The following KIF26B variants were observed in gnomAD, a reference collection of about 807,000 sequenced individuals.
The protein encoded by KIF26B is kinesin family member 26B.
A neutral mutation model predicts 151.2 loss-of-function variants in KIF26B; 63 were observed. That is an observed-to-expected ratio of 0.42 (90% CI 0.34 to 0.51). The LOEUF (loss-of-function observed/expected upper bound fraction) is 0.51, where lower values mean the gene tolerates loss of function less well. KIF26B is among the 20% of genes least tolerant of loss of function. The pLI is 0.07. For missense variants in KIF26B, 2,813 were observed against 2,913.6 expected (o/e 0.97, Z 0.79); for synonymous variants, 1,357 against 1,262.1 (o/e 1.08, Z -1.59).
chr1:245,291,873 C>G (rs529807129), intron 2 of KIF26B, among the ~76,000 whole-genome samples: 27 of 152,152 alleles, frequency 1.8e-4, no homozygotes, highest in Non-Finnish European at 3.7e-4. Context: ...CAGAAGGGCC[C>G]TGGTGCAGGA....
rs1232594937 is a variant in KIF26B, at chr1:245,495,053, T to TAAAGA, written c.1167-45701_1167-45697dup. ...AAAAGAGAAAAGAAAAGAAAAGAAA[T>TAAAGA]AAAGAAAAGAAAAGAAAGAGGAAAT... On this transcript the variant is annotated intron_variant, in intron 4 of 14. Transcript: ENST00000407071. The surrounding 1 kb of genome is among the most constrained non-coding windows in gnomAD (Gnocchi z 4.2). Among the ~76,000 whole-genome samples, 3 of 150,370 alleles carry TAAAGA rather than the reference T, an allele frequency of 2.0e-5. No individual in the cohort carries two copies. The highest frequency in any genetic ancestry group is 2.1e-4 in the South Asian group (1 of 4,758).
At chr1:245,561,924 C>T (rs74613759) in intron 5 of KIF26B, among the ~76,000 whole-genome samples, 1,803 of 152,268 alleles carry the variant, frequency 0.012, 25 homozygotes, top group African/African-American at 0.033. Flanking sequence ...AGTCTCCATC[C>T]CAAGGCTCTT....
intron 5 of KIF26B, among the ~76,000 whole-genome samples, chr1:245,587,698 G>A (rs766292433): frequency 2.0e-4 from 30 of 152,154 alleles, no homozygotes; most frequent in Non-Finnish European, 3.1e-4. Context: ...ACAGCTCTAC[G>A]TAAGCCAGAG....
At position 245,372,288 on chromosome 1, in the gene KIF26B, G is replaced by A. The variant is rs145282199; in HGVS notation, c.999+4921G>A. The stretch of plus-strand genomic sequence containing the variant: ...TGGAGCAGTTTCATCCCATCTCCGC[G>A]CCCTATTTGTCTGCCATGAAGCTGG... On this transcript the variant is annotated intron_variant, in intron 3 of 14. Coordinates refer to ENST00000407071, the MANE Select transcript of KIF26B (RefSeq NM_018012.4). 2.8e-3 allele frequency among the ~76,000 whole-genome samples: 427 copies of A among 152,250 alleles called. 1 individual carries two copies. The highest frequency in any genetic ancestry group is 9.8e-3 in the African/African-American group (406 of 41,526).
At chr1:245,567,820 G>A (rs1476623605) in intron 5 of KIF26B, among the ~76,000 whole-genome samples, 1 of 152,114 alleles carries the variant, frequency 6.6e-6, no homozygotes, top group Admixed American at 6.5e-5. Flanking sequence ...GCATCCCATT[G>A]TCTTCATTCC....
At position 245,597,484 on chromosome 1, in the gene KIF26B, A is replaced by G. The variant is rs959966444; in HGVS notation, c.1351-5093A>G. Among the ~76,000 whole-genome samples the G allele has an allele frequency of 1.3e-5, 2 of 152,202 alleles. No homozygotes were observed. Among genetic ancestry groups the G allele is most frequent in the Non-Finnish European group, 2.9e-5 (2 of 68,036 alleles). On this transcript the variant is annotated intron_variant, in intron 5 of 14. Transcript: ENST00000407071. This position sits in a 1 kb window ranked among gnomAD's most constrained non-coding sequence, Gnocchi z 4.6. ...CTCTTCTGGCTTGTAGGGTTTCTGC[A>G]GAGAGATCTGCTGTTAGTCTAGGGA...
intron 5 of KIF26B, among the ~76,000 whole-genome samples, chr1:245,580,344 AT>A (rs2043162966): frequency 1.3e-5 from 2 of 152,214 alleles, no homozygotes; most frequent in African/African-American, 4.8e-5. Flanking sequence ...AGAGAAAAAG[AT>A]ACTACCCGAG....
At chr1:245,193,254 C>A (rs759327398) in intron 2 of KIF26B, among the ~76,000 whole-genome samples, 1 of 152,222 alleles carries the variant, frequency 6.6e-6, no homozygotes, top group Non-Finnish European at 1.5e-5. Flanking sequence ...TGTATATGAG[C>A]CACATTTTCT....
intron 4 of KIF26B, among the ~76,000 whole-genome samples, chr1:245,490,106 C>T (rs1456920835): frequency 6.6e-6 from 1 of 152,126 alleles, no homozygotes; most frequent in African/African-American, 2.4e-5. Flanking sequence ...AAGTCAGTTT[C>T]ATCTTACTTG....
chr1:245,424,857 T>G (rs926030207), intron 4 of KIF26B, among the ~76,000 whole-genome samples: 2 of 152,218 alleles, frequency 1.3e-5, no homozygotes, highest in Non-Finnish European at 2.9e-5. Context: ...TGTGCTTTTC[T>G]TCCTCTCACG....
intron 2 of KIF26B, among the ~76,000 whole-genome samples, chr1:245,307,427 G>A (rs1253352625): frequency 6.6e-6 from 1 of 152,058 alleles, no homozygotes; most frequent in Non-Finnish European, 1.5e-5. Flanking sequence ...TGTCTTGGGT[G>A]ATAAGCCCCT....
chr1:245,359,927 C>T (rs566541610), intron 2 of KIF26B, among the ~76,000 whole-genome samples: 2 of 147,326 alleles, frequency 1.4e-5, no homozygotes, highest in South Asian at 2.2e-4. Flanking sequence ...GGCTGGAGTG[C>T]AGTGGTGAGA....
At position 245,688,494 on chromosome 1, in the gene KIF26B, C is replaced by T. The variant is rs1558273977; in HGVS notation, c.5511C>T (p.Ala1837=). 6.8e-7 allele frequency: 1 copy of T among 1,463,720 alleles called. No homozygotes were observed. Among genetic ancestry groups the T allele is most frequent in the South Asian group, 1.4e-5 (1 of 73,514 alleles). The allele number at this position is 1,463,720 out of a possible 1,614,324, so 90.7% of individuals were successfully genotyped here. The change falls in exon 12 of 15, where the codon GCC becomes GCT. Residue 1837 remains alanine (A), a synonymous_variant. Coordinates refer to ENST00000407071, the MANE Select transcript of KIF26B (RefSeq NM_018012.4). ...CGGAGGCGCGCGGGGGGGCCCTGGC[C>T]GAGGACGAGCCCGCGGCCGCGCACC... ...PEAEARGGAL[A]EDEPAAAHLL... is the part of the protein sequence containing the mutation.
chr1:245,270,220 T>C (rs879269970), intron 2 of KIF26B, among the ~76,000 whole-genome samples: 22,308 of 120,582 alleles, frequency 0.19, 3,143 homozygotes, highest in East Asian at 0.36. Context: ...CTTCTTCCCT[T>C]CCTTCTTCCT....
At chr1:245,674,071 G>A (rs533857361) in intron 10 of KIF26B, among the ~76,000 whole-genome samples, 1 of 152,292 alleles carries the variant, frequency 6.6e-6, no homozygotes, top group Non-Finnish European at 1.5e-5. Flanking sequence ...ACCTGAGGAT[G>A]ATTTAAAGTG....
intron 4 of KIF26B, among the ~76,000 whole-genome samples, chr1:245,480,043 C>T (rs1660132294): frequency 6.6e-6 from 1 of 151,778 alleles, no homozygotes; most frequent in Non-Finnish European, 1.5e-5. Flanking sequence ...GCAGGTGGAT[C>T]GCTTGAGCCC....
chr1:245,180,920 T>G (rs1037922805), intron 2 of KIF26B, among the ~76,000 whole-genome samples: 1 of 152,152 alleles, frequency 6.6e-6, no homozygotes, highest in Non-Finnish European at 1.5e-5. Context: ...ACTGTAACCT[T>G]GAACACCAAC....
intron 5 of KIF26B, 88 bp downstream of exon 5, chr1:245,541,038 A>G (rs1661608734): frequency 2.8e-6 from 3 of 1,089,560 alleles, no homozygotes; most frequent in East Asian, 5.0e-5. Context: ...CCTCCAATGT[A>G]TTAAAATAAG....
At chr1:245,185,559 T>C (rs1668985759) in intron 2 of KIF26B, among the ~76,000 whole-genome samples, 1 of 152,230 alleles carries the variant, frequency 6.6e-6, no homozygotes, top group African/African-American at 2.4e-5. Context: ...ACAAACACTG[T>C]GGTCTGTCTT....
Sources: allele counts gnomAD v4.1 joint callset (sites outside exome capture counted in the v4.1 genomes callset), GRCh38; gene constraint gnomAD v4.1.1; non-coding constraint Gnocchi (gnomAD v3.1); transcripts MANE v1.5; gene names NCBI Gene and HGNC (gene_info 2026-07-23, HGNC 2026-07-21).